Variants in CCDC39 observed in about 807,000 individuals in gnomAD.
CCDC39 encodes the protein coiled-coil domain-containing protein 39.
Under a neutral mutation model 121.0 loss-of-function variants are expected in CCDC39, and 113 were observed. The ratio of observed to expected loss-of-function variants is 0.93; its 90% CI spans 0.80 to 1.09. The LOEUF (loss-of-function observed/expected upper bound fraction) is 1.09, where lower values mean the gene tolerates loss of function less well. Among genes scored for constraint, CCDC39 ranks in the 50% least tolerant of loss-of-function variants. The pLI is 0.00. For synonymous variants in CCDC39, 349 were observed against 352.2 expected (o/e 0.99, Z 0.10); for missense variants, 1,063 against 1,074.7 (o/e 0.99, Z 0.15).
At chr3:180,630,527 C>T (rs1320273459) in intron 14 of CCDC39, among the ~76,000 whole-genome samples, 1 of 152,104 alleles carries the variant, frequency 6.6e-6, no homozygotes, top group Admixed American at 6.5e-5. Context: ...AAGGTGTGAA[C>T]TGGAAGATGA....
chr3:180,646,310 T>G (rs891997980), intron 11 of CCDC39, among the ~76,000 whole-genome samples: 2 of 152,072 alleles, frequency 1.3e-5, no homozygotes, highest in African/African-American at 4.8e-5. Context: ...CTCTCCACCT[T>G]TTGCAGCCCT....
intron 9 of CCDC39, 47 bp downstream of exon 9, chr3:180,651,354 T>G: frequency 6.8e-7 from 1 of 1,475,746 alleles, no homozygotes; most frequent in Non-Finnish European, 9.2e-7. Context: ...TAATTCACTG[T>G]TGCTAAATTT....
intron 7 of CCDC39, among the ~76,000 whole-genome samples, chr3:180,654,014 C>A: frequency 6.7e-6 from 1 of 148,540 alleles, no homozygotes; most frequent in African/African-American, 2.5e-5. Context: ...TGAATCTACA[C>A]ATGCAGAATC....
intron 18 of CCDC39, 43 bp from the exon 19 acceptor site, chr3:180,616,406 T>A (rs1427273330): frequency 6.5e-7 from 1 of 1,541,536 alleles, no homozygotes; most frequent in Admixed American, 2.1e-5. Context: ...TACCTACTGT[T>A]TTTTAGAAGA....
intron 9 of CCDC39, among the ~76,000 whole-genome samples, chr3:180,649,598 C>T (rs981781997): frequency 2.6e-5 from 4 of 152,104 alleles, no homozygotes; most frequent in African/African-American, 9.7e-5. Context: ...AAAGCCAATG[C>T]TTCGTGGTGA....
chr3:180,639,569 C>T (rs1025018101), intron 13 of CCDC39, among the ~76,000 whole-genome samples: 1 of 152,014 alleles, frequency 6.6e-6, no homozygotes, highest in African/African-American at 2.4e-5. Context: ...TAAGCAGGAG[C>T]TAAGCTATGA....
intron 7 of CCDC39, among the ~76,000 whole-genome samples, chr3:180,653,492 T>G (rs1711514904): frequency 6.6e-6 from 1 of 152,154 alleles, no homozygotes; most frequent in Admixed American, 6.6e-5. Flanking sequence ...CTAATTAAGC[T>G]CAATATTTTT....
At position 180,631,589 on chromosome 3, in the gene CCDC39, A is replaced by AGT. The variant is rs746728127; in HGVS notation, c.1876_1877dup (p.Glu627LeufsTer7). Reference sequence around the variant, plus strand: ...TTTTACTTAGCCGCTCGCGAAACTCAGTGCTAATAAGAAAAAGAAACACTG... The same window carrying AGT: ...TTTTACTTAGCCGCTCGCGAAACTCAGTGTGCTAATAAGAAAAAGAAACACTG... On this transcript the variant is annotated frameshift_variant, in exon 14 of 20. Coordinates refer to ENST00000476379, the MANE Select transcript of CCDC39 (RefSeq NM_181426.2). LOFTEE classifies it high-confidence loss of function. 6.2e-7 allele frequency: 1 copy of AGT among 1,602,398 alleles called. No homozygotes were observed. The highest frequency in any genetic ancestry group is 1.3e-5 in the African/African-American group (1 of 74,622).
intron 13 of CCDC39, among the ~76,000 whole-genome samples, chr3:180,632,827 A>G (rs1392467410): frequency 2.0e-5 from 3 of 152,158 alleles, no homozygotes; most frequent in Admixed American, 6.5e-5. Flanking sequence ...GAAAAAGAAC[A>G]AGAGTGATCT....
intron 13 of CCDC39, among the ~76,000 whole-genome samples, chr3:180,641,708 A>G (rs1425789711): frequency 1.3e-5 from 2 of 152,154 alleles, no homozygotes; most frequent in African/African-American, 4.8e-5. Flanking sequence ...TTGAATATCT[A>G]TTTTTAAAAA....
Position 180,619,248 on chromosome 3 carries a change from G to C in CCDC39, c.2265+11C>G. The C allele has an allele frequency of 7.3e-7, 1 of 1,377,188 alleles. No homozygotes were observed. The highest frequency in any genetic ancestry group is 1.0e-6 in the Non-Finnish European group (1 of 989,298). 85.3% of individuals were successfully genotyped at this position (1,377,188 alleles called of 1,614,324 possible). A position where few individuals can be genotyped will look rare whatever the true frequency, so the allele number is the denominator to read the frequency against. On this transcript the variant is annotated intron_variant, in intron 16 of 19. Coordinates refer to ENST00000476379, the MANE Select transcript of CCDC39 (RefSeq NM_181426.2). ...TGAAGGCATATTACTAAAAATGCCTGTAGAATTTACCTGGATGTCTTCTTG... is the reference window on the plus strand; with the variant it reads ...TGAAGGCATATTACTAAAAATGCCTCTAGAATTTACCTGGATGTCTTCTTG...
chr3:180,651,485 C>T lies in CCDC39; in HGVS notation c.1083G>A (p.Lys361=), dbSNP rs1355387965. Residue 361 remains lysine (K), a synonymous_variant, in exon 9 of 20, where the codon AAG becomes AAA. Transcript: ENST00000476379. ...NHNEIIQTKL[K]EITEKTMSVE... ...CAGACATGGTTTTCTCAGTTATCTC[C>T]TTTAATTTTGTTTGTATTATCTCAT... 1 of 1,543,242 alleles carries T rather than the reference C, an allele frequency of 6.5e-7. No homozygotes were observed. Among genetic ancestry groups the T allele is most frequent in the East Asian group, 2.4e-5 (1 of 41,264 alleles).
At chr3:180,673,802 T>C (rs1054039512) in intron 1 of CCDC39, among the ~76,000 whole-genome samples, 6 of 151,742 alleles carry the variant, frequency 4.0e-5, no homozygotes, top group African/African-American at 1.5e-4. Flanking sequence ...AATACAGCAC[T>C]CCAGAAGGAA....
chr3:180,678,143 A>C (rs1336563097), intron 1 of CCDC39, among the ~76,000 whole-genome samples: 1 of 152,190 alleles, frequency 6.6e-6, no homozygotes, highest in Non-Finnish European at 1.5e-5. Flanking sequence ...CTTTACAAAA[A>C]AAGAAGCAGG....
chr3:180,631,541 A>T lies in CCDC39; in HGVS notation c.1926T>A (p.Tyr642Ter). The change falls in exon 14 of 20, where the codon TAT (tyrosine) becomes TAA (stop). Residue 642 changes from tyrosine (Y) to a stop codon, truncating the protein, a stop_gained. Coordinates refer to ENST00000476379, the MANE Select transcript of CCDC39 (RefSeq NM_181426.2). LOFTEE classifies it high-confidence loss of function. ...GCAGCATAACAACAGTCAGAATTTC[A>T]TATCTATTCTTCAGCTTCTCAATTT... is the stretch of plus-strand genomic sequence containing the variant. Reference protein sequence around the residue: ...LSKIEKLKNRYEILTVVMLPP... With the variant: ...LSKIEKLKNR 2 of 1,609,416 alleles carry T rather than the reference A, an allele frequency of 1.2e-6. No homozygotes were observed. Among genetic ancestry groups the T allele is most frequent in the Non-Finnish European group, 1.7e-6 (2 of 1,179,072 alleles).
chr3:180,635,760 G>A (rs1041039137), intron 13 of CCDC39, among the ~76,000 whole-genome samples: 3 of 152,072 alleles, frequency 2.0e-5, no homozygotes, highest in South Asian at 2.1e-4. Flanking sequence ...GAGTACCTGC[G>A]GCTTTTCAAG....
At chr3:180,665,217 T>C (rs750474653) in intron 1 of CCDC39, among the ~76,000 whole-genome samples, 4 of 152,192 alleles carry the variant, frequency 2.6e-5, no homozygotes, top group Non-Finnish European at 5.9e-5. Flanking sequence ...ATGTATTTTG[T>C]TTACCTTTGA....
intron 1 of CCDC39, among the ~76,000 whole-genome samples, chr3:180,671,319 TA>T (rs1282411312): frequency 1.3e-5 from 2 of 151,788 alleles, no homozygotes; most frequent in Non-Finnish European, 2.9e-5. Flanking sequence ...TGACCCTAAG[TA>T]TATGTATAAT....
chr3:180,671,647 A>C (rs1712050969), intron 1 of CCDC39, among the ~76,000 whole-genome samples: 1 of 149,462 alleles, frequency 6.7e-6, no homozygotes. Flanking sequence ...TGCAACCTCT[A>C]TCTCCTGTGT....
Sources: allele counts gnomAD v4.1 joint callset (sites outside exome capture counted in the v4.1 genomes callset), GRCh38; gene constraint gnomAD v4.1.1; transcripts MANE v1.5; gene names NCBI Gene and HGNC (gene_info 2026-07-23, HGNC 2026-07-21).